HAUS4: variants seen among roughly 807,000 people sequenced by gnomAD.
The protein encoded by HAUS4 is HAUS augmin like complex subunit 4, also known as HAUS augmin-like complex subunit 4.
A neutral mutation model predicts 50.6 loss-of-function variants in HAUS4; 34 were observed. That is an observed-to-expected ratio of 0.67 (90% CI 0.51 to 0.90). The LOEUF (loss-of-function observed/expected upper bound fraction) is 0.90, where lower values mean the gene tolerates loss of function less well. Among genes scored for constraint, HAUS4 ranks in the 40% least tolerant of loss-of-function variants. The probability of loss-of-function intolerance (pLI) is 0.00; values close to 1 mark genes in which losing one functional copy is unlikely to be tolerated. For missense variants in HAUS4, 370 were observed against 428.7 expected, an observed-to-expected ratio of 0.86 and a Z score of 1.21; for synonymous variants, 149 against 161.4, an observed-to-expected ratio of 0.92 and a Z score of 0.58.
intron 1 of HAUS4, chr14:22,956,658 G>A (rs576190492): frequency 1.1e-4 from 17 of 152,078 alleles, no homozygotes; most frequent in Non-Finnish European, 2.1e-4. Context: ...TGACTCAGGC[G>A]TCTTTTAAAT....
chr14:22,956,529 G>A (rs868590022), intron 1 of HAUS4, among the ~76,000 whole-genome samples: 2 of 152,226 alleles, frequency 1.3e-5, no homozygotes, highest in South Asian at 2.1e-4. Context: ...TTTTTAGGGT[G>A]CCTTTCTTTA....
Position 22,952,360 on chromosome 14 carries a change from G to A in HAUS4, c.298C>T (p.Gln100Ter), listed in dbSNP as rs776901389. The A allele has an allele frequency of 1.9e-6, 3 of 1,613,826 alleles. No homozygotes were observed. Among genetic ancestry groups the A allele is most frequent in the Non-Finnish European group, 2.5e-6 (3 of 1,179,912 alleles). ...TCCTCAGAAGTTACATTTGTGTCTTGTATCTTCACATAGTAGTCCACAAGC... is the reference window on the plus strand; with the variant it reads ...TCCTCAGAAGTTACATTTGTGTCTTATATCTTCACATAGTAGTCCACAAGC... Reference protein sequence around the residue: ...ELLVDYYVKIQDTNVTSEDKK... With the variant: ...ELLVDYYVKI The change falls in exon 4 of 10, where the codon CAA becomes TAA. Residue 100 changes from glutamine (Q) to a stop codon, truncating the protein, a stop_gained. Coordinates refer to ENST00000541587, the MANE Select transcript of HAUS4 (RefSeq NM_001166269.2). LOFTEE classifies it high-confidence loss of function.
chr14:22,946,909 G>A (rs906103648), intron 9 of HAUS4, among the ~76,000 whole-genome samples: 15 of 150,736 alleles, frequency 1.0e-4, no homozygotes, highest in African/African-American at 3.2e-4. Flanking sequence ...TCAGCCTCCC[G>A]AGTAGCTGGG....
chr14:22,949,893 C>G (rs952141780), intron 6 of HAUS4, among the ~76,000 whole-genome samples: 3 of 152,094 alleles, frequency 2.0e-5, no homozygotes, highest in Non-Finnish European at 4.4e-5. Context: ...CTTTGGGATG[C>G]CGAGGCAGGC....
At position 22,946,407 on chromosome 14, in the gene HAUS4, G is replaced by A. The variant is rs1371966662; in HGVS notation, c.*118C>T. On this transcript the variant is annotated 3_prime_UTR_variant, in exon 10 of 10. Coordinates refer to ENST00000541587, the MANE Select transcript of HAUS4 (RefSeq NM_001166269.2). ...CCTAAATGACTGCAGTGTTTCAAGC[G>A]TAAGCATTTCCACACTCCCTTGTAC... is the stretch of plus-strand genomic sequence containing the variant. 5 of 664,074 alleles carry A rather than the reference G, an allele frequency of 7.5e-6. No individual in the cohort carries two copies. Among genetic ancestry groups the A allele is most frequent in the African/African-American group, 5.4e-5 (3 of 55,102 alleles). The allele number at this position is 664,074 out of a possible 1,614,324, so 41.1% of individuals were successfully genotyped here. A position where few individuals can be genotyped will look rare whatever the true frequency, so the allele number is the denominator to read the frequency against.
In HAUS4 at chr14:22,955,194, GA is replaced by G; in HGVS notation, c.-22-19del. The G allele has an allele frequency of 6.8e-7, 1 of 1,460,770 alleles. No individual in the cohort carries two copies. Among genetic ancestry groups the G allele is most frequent in the Non-Finnish European group, 9.6e-7 (1 of 1,040,092 alleles). The allele number at this position is 1,460,770 out of a possible 1,614,324, so 90.5% of individuals were successfully genotyped here. On this transcript the variant is annotated intron_variant, in intron 1 of 9. Transcript: ENST00000541587. ...ATTCTAATCTGTGGAACCAAGAAGT[GA>G]AAGAAAACAAAAAGATGAATAAACA...
At chr14:22,954,960 C>CG in intron 2 of HAUS4, 140 bp downstream of exon 2, 1 of 697,642 alleles carries the variant, frequency 1.4e-6, no homozygotes, top group Non-Finnish European at 2.6e-6. Context: ...CTCCTGACCT[C>CG]GTGATCCACC....
Position 22,951,473 on chromosome 14 carries a change from A to T in HAUS4, c.465+82T>A, listed in dbSNP as rs1391812493. Reference sequence around the variant, plus strand: ...GTGTATCATTTTTACAAAAACAATAAAGCTTGACAAAAAAAACATTTTAAA... The same window carrying T: ...GTGTATCATTTTTACAAAAACAATATAGCTTGACAAAAAAAACATTTTAAA... On this transcript the variant is annotated intron_variant, in intron 5 of 9. Transcript: ENST00000541587. 2.0e-6 allele frequency: 3 copies of T among 1,491,726 alleles called. No homozygotes were observed. The African/African-American group carries it at 4.1e-5, about 21-fold the overall frequency. The allele number at this position is 1,491,726 out of a possible 1,614,324, so 92.4% of individuals were successfully genotyped here. A position where few individuals can be genotyped will look rare whatever the true frequency, so the allele number is the denominator to read the frequency against.
chr14:22,951,348 T>G, intron 5 of HAUS4: 1 of 603,558 alleles, frequency 1.7e-6, no homozygotes, highest in Non-Finnish European at 2.9e-6. Flanking sequence ...ACCATTTATG[T>G]CAAGCTGTTT....
At chr14:22,948,454 C>CGGG (rs35564273) in intron 6 of HAUS4, among the ~76,000 whole-genome samples, 6 of 58,962 alleles carry the variant, frequency 1.0e-4, no homozygotes, top group South Asian at 5.2e-4. Flanking sequence ...AAAAAAAAAG[C>CGGG]GGGGGGGGGG....
At chr14:22,947,362 C>A in intron 8 of HAUS4, 123 bp from the exon 9 acceptor site, 2 of 767,386 alleles carry the variant, frequency 2.6e-6, no homozygotes, top group South Asian at 1.5e-5. Context: ...TAAACAAGGT[C>A]ACTCTGAATT....
intron 9 of HAUS4, 95 bp downstream of exon 9, chr14:22,947,076 G>A: frequency 1.2e-6 from 1 of 858,962 alleles, no homozygotes; most frequent in African/African-American, 1.7e-5. Flanking sequence ...GAGCCACTGT[G>A]CCCAGCCAAA....
At chr14:22,947,343 C>T in intron 8 of HAUS4, 104 bp from the exon 9 acceptor site, 1 of 830,644 alleles carries the variant, frequency 1.2e-6, no homozygotes, top group Non-Finnish European at 2.1e-6. Context: ...GGGCTAAGCA[C>T]TGATAGGATA....
At chr14:22,952,749 G>A in intron 2 of HAUS4, 66 bp from the exon 3 acceptor site, 1 of 1,311,854 alleles carries the variant, frequency 7.6e-7, no homozygotes, top group African/African-American at 1.5e-5. Flanking sequence ...TTACATAACT[G>A]AGCATAACTT....
intron 6 of HAUS4, 55 bp downstream of exon 6, chr14:22,950,259 G>T: frequency 1.1e-6 from 1 of 909,404 alleles, no homozygotes; most frequent in South Asian, 1.4e-5. Flanking sequence ...TCTCAAAAGA[G>T]CAGACCAGGA....
At chr14:22,955,811 G>A (rs1255689282) in intron 1 of HAUS4, among the ~76,000 whole-genome samples, 1 of 152,070 alleles carries the variant, frequency 6.6e-6, no homozygotes, top group Non-Finnish European at 1.5e-5. Flanking sequence ...TGAGGTCAGT[G>A]GCAAAAGAGT....
rs192674057 is a variant in HAUS4 at position 22,954,366 on chromosome 14, T to C, written c.55+734A>G. 12 of 152,208 alleles carry C rather than the reference T, an allele frequency of 7.9e-5. No homozygotes were observed. The East Asian group carries it at 1.9e-3, about 24-fold the overall frequency. 9.4% of individuals were successfully genotyped at this position (152,208 alleles called of 1,614,324 possible). ...ATCCAATATGGAAATAGTCAAGATATAGAAAATGCAAGCTCTTGAAGGATT... is the reference window on the plus strand; with the variant it reads ...ATCCAATATGGAAATAGTCAAGATACAGAAAATGCAAGCTCTTGAAGGATT... On this transcript the variant is annotated intron_variant, in intron 2 of 9. Coordinates refer to ENST00000541587, the MANE Select transcript of HAUS4 (RefSeq NM_001166269.2).
At chr14:22,949,324 C>T (rs1331234922) in intron 6 of HAUS4, among the ~76,000 whole-genome samples, 3 of 151,354 alleles carry the variant, frequency 2.0e-5, no homozygotes, top group Non-Finnish European at 4.4e-5. Context: ...GGTCAGGAGA[C>T]TGAGACCATC....
At chr14:22,947,789 G>T in intron 7 of HAUS4, 58 bp from the exon 8 acceptor site, 3 of 1,611,054 alleles carry the variant, frequency 1.9e-6, no homozygotes, top group Non-Finnish European at 2.5e-6. Flanking sequence ...AAGGAGGGTA[G>T]ATCAGGAATC....
Sources: allele counts gnomAD v4.1 joint callset (sites outside exome capture counted in the v4.1 genomes callset), GRCh38; gene constraint gnomAD v4.1.1; transcripts MANE v1.5; gene names NCBI Gene and HGNC (gene_info 2026-07-23, HGNC 2026-07-21).